ALPK1: variants seen among roughly 807,000 people sequenced by gnomAD.
ALPK1 encodes the protein alpha-protein kinase 1.
Under a neutral mutation model 120.6 loss-of-function variants are expected in ALPK1, and 110 were observed. That is an observed-to-expected ratio of 0.91 (90% confidence interval 0.78 to 1.07). The LOEUF (loss-of-function observed/expected upper bound fraction) is 1.07, where lower values mean the gene tolerates loss of function less well. ALPK1 is among the 50% of genes least tolerant of loss of function. The pLI is 0.00. For missense variants in ALPK1, 1,498 were observed against 1,483.9 expected, an observed-to-expected ratio of 1.01 and a Z score of -0.16; for synonymous variants, 582 against 560.3, an observed-to-expected ratio of 1.04 and a Z score of -0.55.
intron 14 of ALPK1, among the ~76,000 whole-genome samples, chr4:112,440,641 T>C (rs1734994783): frequency 6.6e-6 from 1 of 152,206 alleles, no homozygotes; most frequent in Non-Finnish European, 1.5e-5. Context: ...ATTTTATTGC[T>C]TTCTAATACC....
intron 3 of ALPK1, among the ~76,000 whole-genome samples, chr4:112,379,876 C>T (rs1731827134): frequency 1.3e-5 from 2 of 152,110 alleles, no homozygotes; most frequent in African/African-American, 4.8e-5. Context: ...ACAGGACATT[C>T]TGACGTGAGG....
At chr4:112,400,158 A>T (rs563259111) in intron 4 of ALPK1, among the ~76,000 whole-genome samples, 10 of 152,236 alleles carry the variant, frequency 6.6e-5, no homozygotes, top group African/African-American at 2.4e-4. Context: ...GTTCCAGATT[A>T]TTGTTCTTAA....
At chr4:112,416,047 G>A (rs751407419) in intron 5 of ALPK1, among the ~76,000 whole-genome samples, 1 of 152,030 alleles carries the variant, frequency 6.6e-6, no homozygotes, top group Non-Finnish European at 1.5e-5. Context: ...TAATCTCCTC[G>A]ATTCAGGCTA....
intron 2 of ALPK1, chr4:112,357,920 C>A (rs1308638253): frequency 1.8e-5 from 17 of 967,122 alleles, no homozygotes; most frequent in Non-Finnish European, 2.3e-5. Context: ...TTCTCTGAGA[C>A]CATGGGTGCT....
intron 11 of ALPK1, 44 bp downstream of exon 11, chr4:112,432,625 G>C: frequency 6.4e-7 from 1 of 1,557,816 alleles, no homozygotes; most frequent in Non-Finnish European, 8.7e-7. Flanking sequence ...GGAAGCAGCT[G>C]TGTTGGGGCA....
At position 112,305,483 on chromosome 4, in the gene ALPK1, T is replaced by A. The variant is rs1203523897; in HGVS notation, c.-153+8014T>A. 3.3e-5 allele frequency among the ~76,000 whole-genome samples: 5 copies of A among 152,200 alleles called. No individual in the cohort carries two copies. In the South Asian group the frequency reaches 1.0e-3, roughly 32 times the overall value. On this transcript the variant is annotated intron_variant, in intron 1 of 15. Coordinates refer to ENST00000650871, the MANE Select transcript of ALPK1 (RefSeq NM_025144.4). The stretch of plus-strand genomic sequence containing the variant: ...TCCTTCACATCCCTTGTAAGTTGGA[T>A]TCCTAGGTATTTTATTCTCTTTGAA...
At chr4:112,315,668 G>C (rs1336257714) in intron 1 of ALPK1, 133 bp from the exon 2 acceptor site, 1 of 152,240 alleles carries the variant, frequency 6.6e-6, no homozygotes, top group Non-Finnish European at 1.5e-5. Context: ...TCAGGAACTT[G>C]ATCTTCCTGT....
At chr4:112,307,023 A>C (rs940236749) in intron 1 of ALPK1, among the ~76,000 whole-genome samples, 5 of 152,112 alleles carry the variant, frequency 3.3e-5, no homozygotes, top group African/African-American at 9.7e-5. Context: ...GTAGTCATTC[A>C]AGAGCAGGTT....
At chr4:112,359,007 C>A (rs1024548090) in intron 2 of ALPK1, 22 of 766,816 alleles carry the variant, frequency 2.9e-5, no homozygotes, top group Non-Finnish European at 5.4e-5. Flanking sequence ...GCTAACAGGA[C>A]AAGGCTGTGG....
rs62316109 is a variant in ALPK1, at chr4:112,396,402, T to A, written c.276+13850T>A. On this transcript the variant is annotated intron_variant, in intron 4 of 15. Coordinates refer to ENST00000650871, the MANE Select transcript of ALPK1 (RefSeq NM_025144.4). ...AGAAACTGTAAACCTACTTATCAAC[T>A]ATATAAACCGCAATACAGCTCGTAT... 5.2e-3 allele frequency among the ~76,000 whole-genome samples: 790 copies of A among 152,280 alleles called. 3 individuals are homozygous for A. Among genetic ancestry groups the A allele is most frequent in the Non-Finnish European group, 8.3e-3 (562 of 68,028 alleles).
intron 2 of ALPK1, among the ~76,000 whole-genome samples, chr4:112,335,015 T>C (rs1229293837): frequency 6.6e-6 from 1 of 152,170 alleles, no homozygotes; most frequent in Non-Finnish European, 1.5e-5. Flanking sequence ...TCCCAGCACT[T>C]GGGAGGCCGA....
intron 2 of ALPK1, among the ~76,000 whole-genome samples, chr4:112,326,090 A>G (rs1729103760): frequency 6.6e-6 from 1 of 152,118 alleles, no homozygotes; most frequent in African/African-American, 2.4e-5. Flanking sequence ...GGAAACCATC[A>G]TCCCTTTATC....
At chr4:112,376,422 C>T (rs996197448) in intron 2 of ALPK1, among the ~76,000 whole-genome samples, 4 of 151,976 alleles carry the variant, frequency 2.6e-5, no homozygotes, top group African/African-American at 9.7e-5. Flanking sequence ...TGTTTAAACA[C>T]AAAGTATATG....
At chr4:112,379,949 A>G (rs1335548170) in intron 3 of ALPK1, among the ~76,000 whole-genome samples, 1 of 152,218 alleles carries the variant, frequency 6.6e-6, no homozygotes, top group African/African-American at 2.4e-5. Context: ...AGACTTTTCC[A>G]TTACCATGAA....
intron 2 of ALPK1, among the ~76,000 whole-genome samples, chr4:112,355,757 C>CGT (rs1456847089): frequency 6.6e-6 from 1 of 152,236 alleles, no homozygotes; most frequent in African/African-American, 2.4e-5. Context: ...GGACCCCATC[C>CGT]GTGGGGTAAC....
chr4:112,342,833 A>G (rs982784185), intron 2 of ALPK1, among the ~76,000 whole-genome samples: 4 of 152,356 alleles, frequency 2.6e-5, no homozygotes, highest in African/African-American at 7.2e-5. Context: ...CCATTCTCTC[A>G]TATTCCAGTA....
chr4:112,341,647 G>A (rs1729868568), intron 2 of ALPK1, among the ~76,000 whole-genome samples: 1 of 152,148 alleles, frequency 6.6e-6, no homozygotes, highest in African/African-American at 2.4e-5. Flanking sequence ...AGATGGTAGT[G>A]TTGGGCAAAG....
chr4:112,352,420 A>T (rs1730403882), intron 2 of ALPK1, among the ~76,000 whole-genome samples: 3 of 152,160 alleles, frequency 2.0e-5, no homozygotes, highest in African/African-American at 7.2e-5. Flanking sequence ...TTTGGTATCC[A>T]TGGGAGATTG....
At chr4:112,400,753 A>G (rs141610501) in intron 4 of ALPK1, among the ~76,000 whole-genome samples, 169 of 152,328 alleles carry the variant, frequency 1.1e-3, no homozygotes, top group Middle Eastern at 3.4e-3. Context: ...GTGGTTTTCA[A>G]TATTCAGATG....
Sources: gnomAD v4.1 joint callset for allele counts (sites outside exome capture counted in the v4.1 genomes callset) on GRCh38, gnomAD v4.1.1 for gene constraint, MANE v1.5 for transcripts, NCBI Gene and HGNC (gene_info 2026-07-23, HGNC 2026-07-21) for gene names.